Variants in ANKRD10 observed in about 807,000 individuals in gnomAD.
ANKRD10 encodes the protein ankyrin repeat domain 10, also known as ankyrin repeat domain-containing protein 10.
A neutral mutation model predicts 27.0 loss-of-function variants in ANKRD10; 14 were observed. The ratio of observed to expected loss-of-function variants is 0.52; its 90% CI spans 0.34 to 0.81. The LOEUF is 0.81. ANKRD10 is among the 40% of genes least tolerant of loss of function. The probability of loss-of-function intolerance (pLI) is 0.01; values close to 1 mark genes in which losing one functional copy is unlikely to be tolerated. For missense variants in ANKRD10, 493 were observed against 544.0 expected, an observed-to-expected ratio of 0.91 and a Z score of 0.93; for synonymous variants, 250 against 224.5, an observed-to-expected ratio of 1.11 and a Z score of -1.01.
intron 3 of ANKRD10, chr13:110,903,891 G>A (rs2065454917): frequency 6.6e-6 from 1 of 152,156 alleles, no homozygotes; most frequent in African/African-American, 2.4e-5. Context: ...AAAAGAAACG[G>A]TTATGATTTG....
In ANKRD10 at chr13:110,908,171, G is replaced by A. The variant is rs568015208; in HGVS notation, c.364-2047C>T. On this transcript the variant is annotated intron_variant, in intron 2 of 5. Transcript: ENST00000267339. ...TGATCTACAGGGAACTGGGAGCAGT[G>A]CCAGAATGCTCAAGACAGGCTGGGC... 5.3e-4 allele frequency among the ~76,000 whole-genome samples: 80 copies of A among 152,280 alleles called. 2 individuals carry two copies. The highest frequency in any genetic ancestry group is 5.2e-3 in the Admixed American group (80 of 15,304).
intron 5 of ANKRD10, chr13:110,883,411 C>A: frequency 1.4e-6 from 1 of 734,886 alleles, no homozygotes; most frequent in Non-Finnish European, 1.8e-6. Flanking sequence ...TTTTTCATGT[C>A]CACAGAATAT....
intron 4 of ANKRD10, among the ~76,000 whole-genome samples, chr13:110,884,981 C>T (rs1392072589): frequency 2.0e-5 from 3 of 150,290 alleles, no homozygotes; most frequent in Non-Finnish European, 4.4e-5. Flanking sequence ...ATGAGAAACC[C>T]GATTTCTGAA....
rs539069277 is a variant in ANKRD10 at position 110,914,908 on chromosome 13, G to A, written c.27C>T (p.Gly9=). ...CCTCGCTGGAGAAGCCCGCCTCTAC[G>A]CCCGCGCCCGCTCCCGCCGCCGACA... MSAAGAGA[G]VEAGFSSEEL... The change falls in exon 1 of 6, where the codon GGC becomes GGT. Residue 9 remains glycine (G), a synonymous_variant. Transcript: ENST00000267339. 733 of 1,536,338 alleles carry A rather than the reference G, an allele frequency of 4.8e-4. 10 individuals are homozygous for A. In the South Asian group the frequency reaches 8.4e-3, roughly 18 times the overall value.
At chr13:110,899,286 G>T (rs961422642) in intron 3 of ANKRD10, 1 of 152,228 alleles carries the variant, frequency 6.6e-6, no homozygotes, top group Admixed American at 6.5e-5. Context: ...TGGTAGTAAT[G>T]AAAGTGTACA....
intron 2 of ANKRD10, 104 bp downstream of exon 2, chr13:110,910,514 T>C (rs1418232614): frequency 6.4e-6 from 9 of 1,406,264 alleles, no homozygotes; most frequent in Admixed American, 4.1e-5. Flanking sequence ...CAGGTAAAGA[T>C]ATCAAACTCT....
At chr13:110,905,718 C>T (rs1002879448) in intron 3 of ANKRD10, among the ~76,000 whole-genome samples, 3 of 152,212 alleles carry the variant, frequency 2.0e-5, no homozygotes, top group Non-Finnish European at 4.4e-5. Flanking sequence ...CACAGTGACA[C>T]AACTAGTTAG....
intron 2 of ANKRD10, 86 bp downstream of exon 2, chr13:110,910,532 G>T: frequency 1.3e-6 from 2 of 1,495,088 alleles, no homozygotes; most frequent in Admixed American, 4.0e-5. Flanking sequence ...TCTAATTAAG[G>T]CCTCGATTTA....
At chr13:110,914,643 C>T in intron 1 of ANKRD10, 82 bp downstream of exon 1, 5 of 1,462,850 alleles carry the variant, frequency 3.4e-6, no homozygotes, top group Non-Finnish European at 4.6e-6. Context: ...GCACGCCCCA[C>T]GTCCCCCGCA....
chr13:110,898,045 C>T (rs904545512), intron 3 of ANKRD10, among the ~76,000 whole-genome samples: 2 of 152,130 alleles, frequency 1.3e-5, no homozygotes, highest in Non-Finnish European at 2.9e-5. Context: ...CCAAATCTGT[C>T]ACAAAATATT....
intron 3 of ANKRD10, among the ~76,000 whole-genome samples, chr13:110,898,735 A>G (rs1179528507): frequency 6.9e-6 from 1 of 143,982 alleles, no homozygotes; most frequent in East Asian, 2.0e-4. Context: ...ACCATACCCA[A>G]CTAGTTTTTC....
chr13:110,900,333 T>C (rs916240482), intron 3 of ANKRD10, among the ~76,000 whole-genome samples: 2 of 152,230 alleles, frequency 1.3e-5, no homozygotes, highest in African/African-American at 4.8e-5. Flanking sequence ...TTCTTATTGT[T>C]AATGCCATGT....
chr13:110,906,761 CA>C (rs1023559551), intron 2 of ANKRD10, among the ~76,000 whole-genome samples: 2 of 151,554 alleles, frequency 1.3e-5, no homozygotes, highest in African/African-American at 2.4e-5. Context: ...GAGAAGAACA[CA>C]AAGGTAAAGC....
chr13:110,914,210 T>C (rs1182459926), intron 1 of ANKRD10, among the ~76,000 whole-genome samples: 5 of 152,104 alleles, frequency 3.3e-5, no homozygotes, highest in African/African-American at 9.7e-5. Flanking sequence ...CCTCGGCTAC[T>C]GGCGAGGCTG....
chr13:110,885,093 A>C (rs2064892424), intron 4 of ANKRD10, among the ~76,000 whole-genome samples: 1 of 152,294 alleles, frequency 6.6e-6, no homozygotes, highest in East Asian at 1.9e-4. Flanking sequence ...GCATTCTTCA[A>C]ATACAAGTGC....
At chr13:110,907,839 G>T (rs1367620046) in intron 2 of ANKRD10, among the ~76,000 whole-genome samples, 4 of 151,956 alleles carry the variant, frequency 2.6e-5, no homozygotes, top group Non-Finnish European at 5.9e-5. Flanking sequence ...AACTGGAGCT[G>T]AGATTTAGAT....
intron 1 of ANKRD10, among the ~76,000 whole-genome samples, chr13:110,913,326 GA>G (rs1365320893): frequency 6.6e-6 from 1 of 152,202 alleles, no homozygotes; most frequent in African/African-American, 2.4e-5. Flanking sequence ...ACTGCCTCGG[GA>G]AATCTATTTA....
At chr13:110,913,078 T>C (rs2065766973) in intron 1 of ANKRD10, among the ~76,000 whole-genome samples, 1 of 152,202 alleles carries the variant, frequency 6.6e-6, no homozygotes, top group Admixed American at 6.5e-5. Context: ...ACATTAAAAA[T>C]TACCATTTTA....
At chr13:110,883,298 AC>A (rs2064853253) in intron 5 of ANKRD10, 1 of 163,604 alleles carries the variant, frequency 6.1e-6, no homozygotes, top group Non-Finnish European at 1.3e-5. Context: ...CGGTATATTC[AC>A]CCAAAGGCCA....
Sources: allele counts gnomAD v4.1 joint callset (sites outside exome capture counted in the v4.1 genomes callset), GRCh38; gene constraint gnomAD v4.1.1; transcripts MANE v1.5; gene names NCBI Gene and HGNC (gene_info 2026-07-23, HGNC 2026-07-21).